The following CROCC2 variants were observed in gnomAD, a reference collection of about 807,000 sequenced individuals.
The protein encoded by CROCC2 is ciliary rootlet coiled-coil, rootletin family member 2.
CROCC2 carries 163 observed loss-of-function variants against 177.6 expected under a neutral mutation model. The observed-to-expected ratio is 0.92, with a 90% CI of 0.81 to 1.05. CROCC2 has a LOEUF of 1.05. CROCC2 is among the 50% of genes least tolerant of loss of function. The probability of loss-of-function intolerance (pLI) is 0.00; values close to 1 mark genes in which losing one functional copy is unlikely to be tolerated. For missense variants in CROCC2, 1,929 were observed against 1,797.8 expected, an observed-to-expected ratio of 1.07 and a Z score of -1.32; for synonymous variants, 904 against 787.3, an observed-to-expected ratio of 1.15 and a Z score of -2.48.
intron 28 of CROCC2, chr2:240,986,120 G>A (rs929843532): frequency 5.5e-6 from 2 of 366,738 alleles, no homozygotes; most frequent in Non-Finnish European, 1.1e-5. Flanking sequence ...GGCACCATCA[G>A]TGTCCTGCAC....
chr2:240,966,255 A>AG lies in CROCC2; in HGVS notation c.3992_3993insG (p.Gln1332ThrfsTer53). On this transcript the variant is annotated frameshift_variant, in exon 25 of 32. Coordinates refer to ENST00000690015, the MANE Select transcript of CROCC2 (RefSeq NM_001351305.2). LOFTEE classifies it high-confidence loss of function. ...GACAGCTCCCAGGCTCTCCCTGGGC[A>AG]ACAGGGTACCAGCCCCCCAGCCAGG... The AG allele has an allele frequency of 1.6e-6, 1 of 645,014 alleles. No homozygotes were observed. Among genetic ancestry groups the AG allele is most frequent in the Non-Finnish European group, 2.2e-6 (1 of 449,008 alleles). 40.0% of individuals were successfully genotyped at this position (645,014 alleles called of 1,614,324 possible).
chr2:240,992,138 G>A (rs1290966123), intron 31 of CROCC2, among the ~76,000 whole-genome samples: 1 of 152,220 alleles, frequency 6.6e-6, no homozygotes, highest in African/African-American at 2.4e-5. Context: ...TGTGGCGTGG[G>A]CCACCTGTGT....
chr2:240,921,307 T>A (rs533233836), intron 3 of CROCC2, among the ~76,000 whole-genome samples: 2 of 152,242 alleles, frequency 1.3e-5, no homozygotes, highest in East Asian at 3.9e-4. Flanking sequence ...CACGTTTCCA[T>A]CCATTGTTGC....
intron 18 of CROCC2, chr2:240,955,604 T>C (rs2059585563): frequency 2.1e-6 from 1 of 473,372 alleles, no homozygotes; most frequent in African/African-American, 1.9e-5. Context: ...CGTGCCCAAG[T>C]GCAGACACAG....
At chr2:240,907,623 C>T (rs1459464248) in intron 1 of CROCC2, among the ~76,000 whole-genome samples, 1 of 152,188 alleles carries the variant, frequency 6.6e-6, no homozygotes, top group African/African-American at 2.4e-5. Context: ...TTTGCTCACA[C>T]ACAGGGCTGC....
At chr2:240,937,624 C>T (rs1285445014) in intron 14 of CROCC2, among the ~76,000 whole-genome samples, 4 of 152,218 alleles carry the variant, frequency 2.6e-5, no homozygotes, top group Admixed American at 2.0e-4. Flanking sequence ...AGAAGATATC[C>T]TCCTACATTT....
At chr2:240,968,743 G>A (rs1163326163) in intron 27 of CROCC2, among the ~76,000 whole-genome samples, 1 of 152,266 alleles carries the variant, frequency 6.6e-6, no homozygotes. Context: ...AGGAAGGGCT[G>A]AAGTCAGTGT....
At chr2:240,921,592 C>A (rs1343342040) in intron 3 of CROCC2, among the ~76,000 whole-genome samples, 1 of 152,210 alleles carries the variant, frequency 6.6e-6, no homozygotes, top group Non-Finnish European at 1.5e-5. Context: ...AGCTCCCGGG[C>A]GGCTCAGCAG....
intron 9 of CROCC2, 56 bp from the exon 10 acceptor site, chr2:240,933,075 C>G: frequency 6.5e-7 from 1 of 1,542,306 alleles, no homozygotes; most frequent in South Asian, 1.2e-5. Context: ...TGGTGGGCCT[C>G]GGTGGGCAAA....
At position 240,955,866 on chromosome 2, in the gene CROCC2, C is replaced by T. The variant is rs1336645929; in HGVS notation, c.2837C>T (p.Ser946Phe). Residue 946 changes from serine (S) to phenylalanine (F), a missense_variant, in exon 19 of 32, where the codon TCC becomes TTC. Around this residue, in one of 3 missense-constraint regions of CROCC2, gnomAD observed 1,397 missense variants for 1,239.9 expected, o/e 1.13. Transcript: ENST00000690015. ...QLEHKMQQAL[S>F]LKETERSLLS... ...ATACCCCGTCCTGTTCAGGCCCTGT[C>T]CCTGAAAGAAACAGAGCGGAGCCTT... is the stretch of plus-strand genomic sequence containing the variant. 1 of 1,533,618 alleles carries T rather than the reference C, an allele frequency of 6.5e-7. No individual in the cohort carries two copies. The highest frequency in any genetic ancestry group is 2.4e-5 in the East Asian group (1 of 40,914).
intron 27 of CROCC2, among the ~76,000 whole-genome samples, chr2:240,971,205 C>T (rs2059718361): frequency 6.6e-6 from 1 of 152,226 alleles, no homozygotes; most frequent in African/African-American, 2.4e-5. Context: ...GTGGGTGAGA[C>T]CCACCTGGGT....
Position 240,918,743 on chromosome 2 carries a change from C to G in CROCC2, c.96C>G (p.Ile32Met), listed in dbSNP as rs1239944318. 1 of 578,290 alleles carries G rather than the reference C, an allele frequency of 1.7e-6. No individual in the cohort carries two copies. Among genetic ancestry groups the G allele is most frequent in the African/African-American group, 2.0e-5 (1 of 50,412 alleles). The allele number at this position is 578,290 out of a possible 1,614,324, so 35.8% of individuals were successfully genotyped here. A position where few individuals can be genotyped will look rare whatever the true frequency, so the allele number is the denominator to read the frequency against. ...TCTTTCAGAGACTGGAGGACACCAT[C>G]CTGAGTCCCACAGCCAGCAGGGAAG... ...DTVIQRLEDT[I>M]LSPTASREDR... The change falls in exon 2 of 32, where the codon ATC (isoleucine) becomes ATG (methionine). Residue 32 changes from isoleucine to methionine, a missense_variant. This residue lies in a region of CROCC2 where 1,397 missense variants were observed against 1,239.9 expected (regional missense o/e 1.13). Transcript: ENST00000690015. The surrounding 1 kb of genome is among the most constrained non-coding windows in gnomAD (Gnocchi z 6.3).
chr2:240,965,589 A>G, intron 23 of CROCC2, 47 bp from the exon 24 acceptor site: 1 of 1,549,440 alleles, frequency 6.5e-7, no homozygotes, highest in Non-Finnish European at 8.7e-7. Flanking sequence ...GGCCCACCCC[A>G]CTTCCTCACT....
intron 20 of CROCC2, chr2:240,963,181 C>T (rs958420097): frequency 3.5e-5 from 8 of 230,944 alleles, no homozygotes; most frequent in South Asian, 1.3e-4. Flanking sequence ...GACTAGACGC[C>T]GGGGGCAGGA....
At chr2:240,906,863 G>A (rs1420603651) in intron 1 of CROCC2, among the ~76,000 whole-genome samples, 5 of 152,092 alleles carry the variant, frequency 3.3e-5, no homozygotes, top group African/African-American at 9.7e-5. Flanking sequence ...TCAGGTGGCC[G>A]GTGTCCCTTG....
intron 2 of CROCC2, 115 bp from the exon 3 acceptor site, chr2:240,919,868 G>A (rs1223357688): frequency 3.4e-6 from 2 of 584,912 alleles, no homozygotes; most frequent in East Asian, 3.0e-5. Context: ...ATGGGGGCAG[G>A]TCCAGCAGCT....
intron 20 of CROCC2, 117 bp from the exon 21 acceptor site, chr2:240,963,439 A>G (rs1323462382): frequency 2.7e-6 from 3 of 1,100,384 alleles, no homozygotes; most frequent in Non-Finnish European, 3.8e-6. Context: ...GCGCATGGGG[A>G]CCAAGTTGGG....
chr2:240,962,459 C>T (rs1280206656), intron 20 of CROCC2, among the ~76,000 whole-genome samples: 2 of 152,130 alleles, frequency 1.3e-5, no homozygotes, highest in East Asian at 3.9e-4. Flanking sequence ...GGAAAATGCT[C>T]AGCACGGTCA....
chr2:240,918,931 G>A lies in CROCC2; in HGVS notation c.229+55G>A, dbSNP rs1379984062. The A allele has an allele frequency of 9.0e-6, 6 of 665,844 alleles. No homozygotes were observed. The Admixed American group carries it at 9.2e-5, about 10-fold the overall frequency. 41.2% of individuals were successfully genotyped at this position (665,844 alleles called of 1,614,324 possible). A position where few individuals can be genotyped will look rare whatever the true frequency, so the allele number is the denominator to read the frequency against. ...GGGGCTGGCCAAGGTGACGGCGTGG[G>A]GGACAGTCCTGGGCCCGGTGCTGGC... On this transcript the variant is annotated intron_variant, in intron 2 of 31. Transcript: ENST00000690015. This position sits in a 1 kb window ranked among gnomAD's most constrained non-coding sequence, Gnocchi z 6.3.
Sources: gnomAD v4.1 joint callset for allele counts (sites outside exome capture counted in the v4.1 genomes callset) on GRCh38, gnomAD v4.1.1 for gene constraint, gnomAD v4.1.1 regional missense constraint, Gnocchi (gnomAD v3.1) non-coding constraint, MANE v1.5 for transcripts, NCBI Gene and HGNC (gene_info 2026-07-23, HGNC 2026-07-21) for gene names.